The following ST6GALNAC3 variants were observed in gnomAD, a reference collection of about 807,000 sequenced individuals.
The protein encoded by ST6GALNAC3 is ST6 N-acetylgalactosaminide alpha-2,6-sialyltransferase 3.
Under a neutral mutation model 32.7 loss-of-function variants are expected in ST6GALNAC3, and 25 were observed. The ratio of observed to expected loss-of-function variants is 0.76; its 90% CI spans 0.56 to 1.07. ST6GALNAC3 has a LOEUF of 1.07. Ranked by LOEUF, ST6GALNAC3 falls within the 50% of genes least tolerant of loss-of-function variation. The pLI is 0.00. For missense variants in ST6GALNAC3, 355 were observed against 382.4 expected (o/e 0.93, Z 0.60); for synonymous variants, 129 against 133.1 (o/e 0.97, Z 0.21).
At chr1:76,508,752 C>T (rs1241233114) in intron 3 of ST6GALNAC3, among the ~76,000 whole-genome samples, 1 of 152,086 alleles carries the variant, frequency 6.6e-6, no homozygotes. Context: ...CTTTCATCCT[C>T]CCCATTTATT....
intron 2 of ST6GALNAC3, among the ~76,000 whole-genome samples, chr1:76,363,445 TTGAAA>T (rs1359409355): frequency 6.6e-6 from 1 of 152,234 alleles, no homozygotes; most frequent in Non-Finnish European, 1.5e-5. Flanking sequence ...AGCACTTTTG[TTGAAA>T]CCATTCAACA....
At chr1:76,416,870 T>C (rs1654674797) in intron 3 of ST6GALNAC3, among the ~76,000 whole-genome samples, 1 of 152,010 alleles carries the variant, frequency 6.6e-6, no homozygotes, top group African/African-American at 2.4e-5. Context: ...CCGTGAGCCA[T>C]CTTCCTTAGG....
downstream of ST6GALNAC3, chr1:76,637,339 A>G (rs1649527770): frequency 6.6e-6 from 1 of 151,618 alleles, no homozygotes; most frequent in East Asian, 2.0e-4. Flanking sequence ...TGGACAACAC[A>G]TCTTTTGGTG....
At chr1:76,464,059 C>T (rs1451633351) in intron 3 of ST6GALNAC3, among the ~76,000 whole-genome samples, 3 of 152,114 alleles carry the variant, frequency 2.0e-5, no homozygotes, top group Non-Finnish European at 4.4e-5. Context: ...CCTCCTTTCC[C>T]CTATAGGGTA....
chr1:76,629,922 G>A lies in ST6GALNAC3; in HGVS notation c.*1116G>A, dbSNP rs1265665162. ...ATTCCTTATATTAAACCTGACCAGA[G>A]CTTTTTGCCTTCTAGGGATTTATTT... is the stretch of plus-strand genomic sequence containing the variant. On this transcript the variant is annotated 3_prime_UTR_variant, in exon 5 of 5. Transcript: ENST00000328299. 1 of 985,028 alleles carries A rather than the reference G, an allele frequency of 1.0e-6. No individual in the cohort carries two copies. The allele number at this position is 985,028 out of a possible 1,614,324, so 61.0% of individuals were successfully genotyped here. A position where few individuals can be genotyped will look rare whatever the true frequency, so the allele number is the denominator to read the frequency against.
intron 1 of ST6GALNAC3, among the ~76,000 whole-genome samples, chr1:76,124,117 T>TGAAAA (rs1324857186): frequency 1.3e-5 from 2 of 152,022 alleles, no homozygotes; most frequent in Non-Finnish European, 2.9e-5. Context: ...TGTCTAAAAA[T>TGAAAA]GAAAAGAAAA....
intron 1 of ST6GALNAC3, among the ~76,000 whole-genome samples, chr1:76,151,851 T>C (rs1274923312): frequency 1.3e-5 from 2 of 152,206 alleles, no homozygotes; most frequent in African/African-American, 4.8e-5. Flanking sequence ...AGACATTGTC[T>C]CTACAGAGGA....
intron 2 of ST6GALNAC3, among the ~76,000 whole-genome samples, chr1:76,376,578 G>A (rs907857832): frequency 1.3e-5 from 2 of 152,178 alleles, no homozygotes; most frequent in African/African-American, 2.4e-5. Flanking sequence ...TTTTGAGATA[G>A]GATTTTTATA....
At chr1:76,384,011 A>C (rs1458496928) in intron 2 of ST6GALNAC3, among the ~76,000 whole-genome samples, 2 of 152,176 alleles carry the variant, frequency 1.3e-5, no homozygotes, top group African/African-American at 2.4e-5. Context: ...CAAATGAAAT[A>C]GAGAACAACT....
At chr1:76,581,062 G>T (rs1307319413) in intron 3 of ST6GALNAC3, among the ~76,000 whole-genome samples, 1 of 152,052 alleles carries the variant, frequency 6.6e-6, no homozygotes, top group Non-Finnish European at 1.5e-5. Context: ...CTGTTTAGGT[G>T]ATTTATCTAT....
rs199896662 is a variant in ST6GALNAC3 at position 76,554,546 on chromosome 1, TTTAC to T, written c.624-72903_624-72900del. 5.9e-3 allele frequency among the ~76,000 whole-genome samples: 897 copies of T among 152,164 alleles called. 17 individuals are homozygous for T. Among genetic ancestry groups the T allele is most frequent in the African/African-American group, 0.02 (827 of 41,500 alleles). ...TTCCCTGAAGGCTGGAGTCAGGAGG[TTTAC>T]TTGGTTAATAAAACCACCTCCTTGA... is the stretch of plus-strand genomic sequence containing the variant. On this transcript the variant is annotated intron_variant, in intron 3 of 4. Transcript: ENST00000328299.
At chr1:76,494,164 G>A (rs1660663286) in intron 3 of ST6GALNAC3, among the ~76,000 whole-genome samples, 1 of 151,722 alleles carries the variant, frequency 6.6e-6, no homozygotes, top group East Asian at 1.9e-4. Context: ...TATCTATTGT[G>A]AGAGTTAAAT....
chr1:76,587,986 T>C (rs1052052516), intron 3 of ST6GALNAC3, among the ~76,000 whole-genome samples: 1 of 152,082 alleles, frequency 6.6e-6, no homozygotes, highest in African/African-American at 2.4e-5. Context: ...CTGGCATAAA[T>C]CCAAAGGAGA....
intron 3 of ST6GALNAC3, among the ~76,000 whole-genome samples, chr1:76,606,903 G>C (rs1269191034): frequency 6.7e-6 from 1 of 149,224 alleles, no homozygotes; most frequent in Non-Finnish European, 1.5e-5. Context: ...ACACCAGCTG[G>C]GTCTCCTACA....
At chr1:76,357,399 G>A (rs1238215271) in intron 2 of ST6GALNAC3, among the ~76,000 whole-genome samples, 1 of 152,076 alleles carries the variant, frequency 6.6e-6, no homozygotes, top group African/African-American at 2.4e-5. Context: ...GCCTCCAAAA[G>A]ACCATGCTGG....
chr1:76,568,690 A>G (rs1246305958), intron 3 of ST6GALNAC3, among the ~76,000 whole-genome samples: 1 of 152,156 alleles, frequency 6.6e-6, no homozygotes, highest in Non-Finnish European at 1.5e-5. Flanking sequence ...CACAGTAGAA[A>G]CACAGACACG....
At chr1:76,493,123 A>G (rs959395949) in intron 3 of ST6GALNAC3, among the ~76,000 whole-genome samples, 1 of 151,682 alleles carries the variant, frequency 6.6e-6, no homozygotes, top group Non-Finnish European at 1.5e-5. Context: ...TTTTTTGTTC[A>G]ATTGCTTATA....
chr1:76,407,896 A>G (rs1653947213), intron 2 of ST6GALNAC3, among the ~76,000 whole-genome samples: 1 of 152,100 alleles, frequency 6.6e-6, no homozygotes, highest in Admixed American at 6.6e-5. Context: ...CCCAAATCAA[A>G]TAATATGAAT....
At chr1:76,575,316 G>A (rs1014112715) in intron 3 of ST6GALNAC3, among the ~76,000 whole-genome samples, 1 of 152,044 alleles carries the variant, frequency 6.6e-6, no homozygotes, top group African/African-American at 2.4e-5. Context: ...CTGAAAGCTG[G>A]TGTCCTATCC....
Sources: gnomAD v4.1 joint callset for allele counts (sites outside exome capture counted in the v4.1 genomes callset) on GRCh38, gnomAD v4.1.1 for gene constraint, MANE v1.5 for transcripts, NCBI Gene and HGNC (gene_info 2026-07-23, HGNC 2026-07-21) for gene names.